The following LCTL variants were observed in gnomAD, a reference collection of about 807,000 sequenced individuals.
LCTL encodes the protein lactase like, also known as lactase-like protein.
Under a neutral mutation model 75.8 loss-of-function variants are expected in LCTL, and 76 were observed. The observed-to-expected ratio is 1.00, with a 90% CI of 0.83 to 1.21. The LOEUF (loss-of-function observed/expected upper bound fraction) is 1.21, where lower values mean the gene tolerates loss of function less well. Ranked by LOEUF, LCTL falls within the 50% of genes most tolerant of loss-of-function variation. The probability of loss-of-function intolerance (pLI) is 0.00; values close to 1 mark genes in which losing one functional copy is unlikely to be tolerated. For synonymous variants in LCTL, 271 were observed against 268.8 expected (o/e 1.01, Z -0.08); for missense variants, 670 against 712.4 (o/e 0.94, Z 0.68).
At chr15:66,563,218 C>G (rs1479433079) in intron 4 of LCTL, among the ~76,000 whole-genome samples, 2 of 152,148 alleles carry the variant, frequency 1.3e-5, no homozygotes, top group Non-Finnish European at 2.9e-5. Context: ...GAGACTGGGG[C>G]CTCACCAGAG....
At chr15:66,563,606 C>T (rs137935966) in exon 4 of LCTL, 8 of 1,610,540 alleles carry the variant, frequency 5.0e-6, no homozygotes, top group Non-Finnish European at 5.9e-6. Context: ...ATTCGATTCC[C>T]TTCTTGTTCA....
Position 66,563,802 on chromosome 15 carries a change from A to G in LCTL, c.370+109T>C. On this transcript the variant is annotated intron_variant, in intron 3 of 12. Transcript: ENST00000341509. ...CCTGTGAGAGCTGCTACCGTCAGCA[A>G]CTACGTTCATGGGCTGATCTCCCTC... is the stretch of plus-strand genomic sequence containing the variant. 3 of 940,570 alleles carry G rather than the reference A, an allele frequency of 3.2e-6. No homozygotes were observed. The South Asian group carries it at 4.2e-5, about 13-fold the overall frequency. 58.3% of individuals were successfully genotyped at this position (940,570 alleles called of 1,614,324 possible). A position where few individuals can be genotyped will look rare whatever the true frequency, so the allele number is the denominator to read the frequency against.
chr15:66,560,960 T>C, intron 6 of LCTL, 46 bp downstream of exon 7: 1 of 1,574,530 alleles, frequency 6.4e-7, no homozygotes, highest in South Asian at 1.1e-5. Flanking sequence ...TGGGGCAGGC[T>C]GAGCTGACCC....
At chr15:66,552,689 A>AAAAC (rs1895637944) in intron 9 of LCTL, among the ~76,000 whole-genome samples, 1 of 139,064 alleles carries the variant, frequency 7.2e-6, no homozygotes, top group African/African-American at 2.5e-5. Context: ...AAAAAAAAAA[A>AAAAC]CATTGTTGGA....
chr15:66,561,621 C>T (rs768441346), intron 4 of LCTL, among the ~76,000 whole-genome samples: 16 of 152,196 alleles, frequency 1.1e-4, no homozygotes, highest in Non-Finnish European at 2.4e-4. Context: ...AGCCTTGGGA[C>T]AGAGTCTGCC....
intron 6 of LCTL, among the ~76,000 whole-genome samples, chr15:66,558,454 T>C (rs1895794190): frequency 6.6e-6 from 1 of 152,170 alleles, no homozygotes; most frequent in South Asian, 2.1e-4. Context: ...AGTGACCCGC[T>C]GGCCTGCCTG....
exon 13 of LCTL, chr15:66,548,429 C>A: frequency 1.2e-6 from 1 of 841,212 alleles, no homozygotes; most frequent in Non-Finnish European, 1.9e-6. Flanking sequence ...ACCCTCAAAG[C>A]AGAAAAGGGA....
chr15:66,548,879 T>C (rs1020799301), intron 12 of LCTL: 10 of 197,398 alleles, frequency 5.1e-5, no homozygotes, highest in African/African-American at 1.6e-4. Context: ...TCAATACTTA[T>C]ACTTTCTAAA....
chr15:66,564,404 C>T, intron 2 of LCTL: 1 of 490,080 alleles, frequency 2.0e-6, no homozygotes, highest in African/African-American at 1.9e-5. Context: ...AGCCCTTCAG[C>T]TCCCCCTTCA....
intron 4 of LCTL, among the ~76,000 whole-genome samples, chr15:66,562,611 T>G (rs1895918479): frequency 6.6e-6 from 1 of 151,246 alleles, no homozygotes; most frequent in Non-Finnish European, 1.5e-5. Flanking sequence ...TTAGACGGAA[T>G]TTCATTCTCA....
intron 6 of LCTL, among the ~76,000 whole-genome samples, chr15:66,559,273 C>T (rs75233887): frequency 1.3e-5 from 2 of 152,148 alleles, no homozygotes; most frequent in Admixed American, 6.6e-5. Flanking sequence ...CTATAGAATT[C>T]GGGGTTGTTT....
At chr15:66,564,468 C>G (rs1895970944) in intron 2 of LCTL, 7 of 573,520 alleles carry the variant, frequency 1.2e-5, no homozygotes, top group Non-Finnish European at 2.1e-5. Context: ...CCTCCTACAT[C>G]CACCTCACAT....
In LCTL at chr15:66,563,934, CG is replaced by C; in HGVS notation, c.346del (p.Arg116GlyfsTer12). On this transcript the variant is annotated frameshift_variant, in exon 3 of 13. Transcript: ENST00000341509. LOFTEE classifies it high-confidence loss of function. The stretch of plus-strand genomic sequence containing the variant: ...ACCTCGGATGCCTGTGGGCAGGAGC[CG>C]GGGCCAAGACAGGGAGAATCGGTAG... The C allele has an allele frequency of 6.2e-7, 1 of 1,614,126 alleles. No individual in the cohort carries two copies. Among genetic ancestry groups the C allele is most frequent in the Non-Finnish European group, 8.5e-7 (1 of 1,179,992 alleles).
chr15:66,565,435 G>C, exon 1 of LCTL: 3 of 1,027,456 alleles, frequency 2.9e-6, no homozygotes, highest in South Asian at 2.9e-5. Flanking sequence ...CAGGCTGATG[G>C]CCAGGTCTTG....
chr15:66,564,655 ACACT>A lies in LCTL; in HGVS notation c.282+17_282+20del, dbSNP rs763286904. 3.1e-6 allele frequency: 5 copies of A among 1,608,294 alleles called. No homozygotes were observed. In the South Asian group the frequency reaches 3.3e-5, roughly 11 times the overall value. Reference sequence around the variant, plus strand: ...TGTGTGCACGCGCGCGCACACACACACACTCACACCCCGCACTCACCTGGACCTT... The same window carrying A: ...TGTGTGCACGCGCGCGCACACACACACACACCCCGCACTCACCTGGACCTT... On this transcript the variant is annotated intron_variant, in intron 2 of 12. Transcript: ENST00000341509.
At chr15:66,559,649 A>G (rs1219968193) in intron 6 of LCTL, among the ~76,000 whole-genome samples, 1 of 152,216 alleles carries the variant, frequency 6.6e-6, no homozygotes, top group Non-Finnish European at 1.5e-5. Context: ...CAGAGGTTGC[A>G]GTGAGCCGAG....
chr15:66,560,707 C>T (rs565255004), intron 6 of LCTL, among the ~76,000 whole-genome samples: 4 of 152,282 alleles, frequency 2.6e-5, no homozygotes, highest in South Asian at 2.1e-4. Flanking sequence ...ACCCCTGGCT[C>T]GCTGTCACAC....
At chr15:66,550,018 A>G in intron 12 of LCTL, 23 bp downstream of exon 13, 2 of 1,519,316 alleles carry the variant, frequency 1.3e-6, no homozygotes, top group Non-Finnish European at 1.8e-6. Context: ...ATTAAAGGAA[A>G]ACATTGAAAT....
At chr15:66,549,976 GA>G in intron 12 of LCTL, 64 bp downstream of exon 13, 1 of 1,091,998 alleles carries the variant, frequency 9.2e-7, no homozygotes, top group Non-Finnish European at 1.3e-6. Context: ...TTGAGATTTT[GA>G]AAATGATATG....
Sources: gnomAD v4.1 joint callset for allele counts (sites outside exome capture counted in the v4.1 genomes callset) on GRCh38, gnomAD v4.1.1 for gene constraint, MANE v1.5 for transcripts, NCBI Gene and HGNC (gene_info 2026-07-23, HGNC 2026-07-21) for gene names.